Variants in NRG3 observed in about 807,000 individuals in gnomAD.
NRG3 encodes the protein pro-neuregulin-3, membrane-bound isoform.
Under a neutral mutation model 66.9 loss-of-function variants are expected in NRG3, and 31 were observed. The ratio of observed to expected loss-of-function variants is 0.46; its 90% CI spans 0.35 to 0.63. The LOEUF (loss-of-function observed/expected upper bound fraction) is 0.63. Ranked by LOEUF, NRG3 falls within the 20% of genes least tolerant of loss-of-function variation. The pLI, the probability that NRG3 is intolerant of heterozygous loss-of-function variation, is 0.00. For missense variants in NRG3, 910 were observed against 878.9 expected (o/e 1.04, Z -0.45); for synonymous variants, 393 against 359.4 (o/e 1.09, Z -1.06).
chr10:82,276,080 T>A (rs61863043), intron 1 of NRG3, among the ~76,000 whole-genome samples: 17,728 of 152,024 alleles, frequency 0.12, 1,096 homozygotes, highest in Non-Finnish European at 0.14. Flanking sequence ...CCTATTCATT[T>A]AATGACAACA....
chr10:82,008,347 T>C (rs1304746968), intron 1 of NRG3, among the ~76,000 whole-genome samples: 1 of 152,198 alleles, frequency 6.6e-6, no homozygotes, highest in Non-Finnish European at 1.5e-5. Context: ...TGTAGAATAC[T>C]CCAGTGACAA....
intron 1 of NRG3, among the ~76,000 whole-genome samples, chr10:82,271,945 C>T (rs1404048705): frequency 6.6e-6 from 1 of 151,772 alleles, no homozygotes; most frequent in Non-Finnish European, 1.5e-5. Flanking sequence ...TTTCATGGGG[C>T]CAAGGTTCTA....
intron 2 of NRG3, among the ~76,000 whole-genome samples, chr10:82,582,341 A>G (rs1344554094): frequency 6.6e-6 from 1 of 152,092 alleles, no homozygotes; most frequent in Non-Finnish European, 1.5e-5. Context: ...GTCAGAATAT[A>G]CCACATGTAA....
chr10:82,446,636 G>A (rs1024903795), intron 2 of NRG3, among the ~76,000 whole-genome samples: 3 of 152,230 alleles, frequency 2.0e-5, no homozygotes, highest in Admixed American at 1.3e-4. Flanking sequence ...ATCCTGTCAC[G>A]GGGAGGGAGT....
At chr10:82,895,371 C>T (rs571084545) in intron 4 of NRG3, among the ~76,000 whole-genome samples, 42 of 151,984 alleles carry the variant, frequency 2.8e-4, no homozygotes, top group Admixed American at 7.2e-4. Flanking sequence ...ATTCTTTGTT[C>T]CTGGGAAGGC....
chr10:82,410,670 G>A (rs958410916), intron 2 of NRG3, among the ~76,000 whole-genome samples: 1 of 151,816 alleles, frequency 6.6e-6, no homozygotes, highest in Non-Finnish European at 1.5e-5. Context: ...TAAAACCAGT[G>A]AATTGTATAA....
intron 1 of NRG3, among the ~76,000 whole-genome samples, chr10:82,187,253 CA>C (rs1195979076): frequency 6.6e-6 from 1 of 152,092 alleles, no homozygotes; most frequent in African/African-American, 2.4e-5. Context: ...GCAACACTAA[CA>C]AAAGTATGGC....
intron 2 of NRG3, among the ~76,000 whole-genome samples, chr10:82,676,589 C>T (rs1422709338): frequency 6.6e-6 from 1 of 151,916 alleles, no homozygotes; most frequent in East Asian, 1.9e-4. Flanking sequence ...GTTCAAGCAA[C>T]TCTTCTGCCT....
chr10:82,494,475 G>T (rs1483181721), intron 2 of NRG3, among the ~76,000 whole-genome samples: 1 of 151,906 alleles, frequency 6.6e-6, no homozygotes, highest in African/African-American at 2.4e-5. Flanking sequence ...GTATGTGTAA[G>T]TGCGAATGTG....
At chr10:82,001,613 T>C in intron 1 of NRG3, among the ~76,000 whole-genome samples, 1 of 152,170 alleles carries the variant, frequency 6.6e-6, no homozygotes. Context: ...AAAGCTTACC[T>C]TACTACGCAA....
intron 1 of NRG3, among the ~76,000 whole-genome samples, chr10:82,036,410 A>G (rs138227597): frequency 2.0e-5 from 3 of 152,246 alleles, no homozygotes; most frequent in African/African-American, 7.2e-5. Context: ...GCTAGGCACA[A>G]GTTATTATCC....
chr10:82,414,567 T>C (rs983493952), intron 2 of NRG3, among the ~76,000 whole-genome samples: 1 of 152,200 alleles, frequency 6.6e-6, no homozygotes, highest in East Asian at 1.9e-4. Context: ...TGCAGGGTTG[T>C]CACAAACCTT....
chr10:82,271,372 A>G (rs1413735101), intron 1 of NRG3, among the ~76,000 whole-genome samples: 1 of 152,066 alleles, frequency 6.6e-6, no homozygotes, highest in African/African-American at 2.4e-5. Flanking sequence ...AACAGAAATC[A>G]TGATGCTACC....
At chr10:82,677,064 T>C (rs1263057535) in intron 2 of NRG3, among the ~76,000 whole-genome samples, 27 of 144,988 alleles carry the variant, frequency 1.9e-4, no homozygotes, top group Admixed American at 4.8e-4. Context: ...CTCTCTCTCT[T>C]TTTTTTTTTT....
chr10:82,636,157 G>T (rs2050179352), intron 2 of NRG3, among the ~76,000 whole-genome samples: 1 of 152,018 alleles, frequency 6.6e-6, no homozygotes, highest in Non-Finnish European at 1.5e-5. Context: ...GAACCTTTTT[G>T]TATGAGACTG....
chr10:82,359,577 G>A (rs1398977834), intron 2 of NRG3, among the ~76,000 whole-genome samples: 1 of 152,166 alleles, frequency 6.6e-6, no homozygotes, highest in Non-Finnish European at 1.5e-5. Flanking sequence ...TATAGACACT[G>A]TGGCTTTAAG....
chr10:81,897,625 TAA>T (rs1182574481), intron 1 of NRG3, among the ~76,000 whole-genome samples: 1 of 152,028 alleles, frequency 6.6e-6, no homozygotes, highest in East Asian at 1.9e-4. Context: ...GGGCGAGGGA[TAA>T]AAGAGTGGTT....
chr10:82,778,539 A>G (rs1414088194), intron 3 of NRG3, among the ~76,000 whole-genome samples: 2 of 152,154 alleles, frequency 1.3e-5, no homozygotes, highest in East Asian at 3.9e-4. Flanking sequence ...TGAAAAAAGC[A>G]TGGGGGAACC....
At chr10:82,667,397 A>T (rs1212841901) in intron 2 of NRG3, among the ~76,000 whole-genome samples, 1 of 152,094 alleles carries the variant, frequency 6.6e-6, no homozygotes, top group Non-Finnish European at 1.5e-5. Context: ...GGGCTTAGCG[A>T]TCTGATGTTA....
Sources: gnomAD v4.1 joint callset for allele counts (sites outside exome capture counted in the v4.1 genomes callset) on GRCh38, gnomAD v4.1.1 for gene constraint, MANE v1.5 for transcripts, NCBI Gene and HGNC (gene_info 2026-07-23, HGNC 2026-07-21) for gene names.